The following LYRM4 variants were observed in gnomAD, a reference collection of about 807,000 sequenced individuals.
The protein encoded by LYRM4 is LYR motif-containing protein 4.
LYRM4 carries 9 observed loss-of-function variants against 11.7 expected under a neutral mutation model. The observed-to-expected ratio is 0.77, with a 90% CI of 0.46 to 1.34. The LOEUF is 1.34. Among genes scored for constraint, LYRM4 ranks in the 40% most tolerant of loss-of-function variants. The pLI, the probability that LYRM4 is intolerant of heterozygous loss-of-function variation, is 0.00. For synonymous variants in LYRM4, 42 were observed against 40.4 expected (o/e 1.04, Z -0.15); for missense variants, 133 against 112.5 (o/e 1.18, Z -0.82).
Position 5,170,380 on chromosome 6 carries a change from T to TAC in LYRM4, c.207+46237_207+46238insGT, listed in dbSNP as rs368901484. Among the ~76,000 whole-genome samples the TAC allele has an allele frequency of 1.5e-4, 23 of 152,042 alleles. No individual in the cohort carries two copies. The East Asian group carries it at 4.1e-3, about 27-fold the overall frequency. ...GTGTGTATGTGCACATATATATATA[T>TAC]ATGCATTTTTCAAGGGGAGTATCCA... On this transcript the variant is annotated intron_variant, in intron 2 of 2. Transcript: ENST00000330636.
chr6:5,049,650 CTGGTT>C, the LYRM4 span, among the ~76,000 whole-genome samples: 2 of 151,756 alleles, frequency 1.3e-5, no homozygotes, highest in African/African-American at 4.8e-5. Flanking sequence ...ATTCCTTCTC[CTGGTT>C]TGGTTTGGGC....
intron 2 of LYRM4, chr6:5,144,229 A>T: frequency 6.5e-7 from 1 of 1,537,032 alleles, no homozygotes; most frequent in Middle Eastern, 1.7e-4. Context: ...CTGTTCCCCG[A>T]CTTCCTCCTG....
intron 2 of LYRM4, among the ~76,000 whole-genome samples, chr6:5,209,912 C>T (rs1180750201): frequency 4.6e-5 from 7 of 152,140 alleles, no homozygotes; most frequent in African/African-American, 1.7e-4. Flanking sequence ...CATTATTGTT[C>T]TTCAACTATT....
At chr6:5,257,811 T>C (rs1764752859) in intron 1 of LYRM4, among the ~76,000 whole-genome samples, 1 of 152,120 alleles carries the variant, frequency 6.6e-6, no homozygotes, top group Non-Finnish European at 1.5e-5. Context: ...TCCATGAAAT[T>C]GGTTCCTGGT....
chr6:5,120,761 G>C (rs1469298385), intron 2 of LYRM4, among the ~76,000 whole-genome samples: 1 of 152,126 alleles, frequency 6.6e-6, no homozygotes, highest in Non-Finnish European at 1.5e-5. Flanking sequence ...CATTTTTACA[G>C]AGCACTGATT....
chr6:5,086,445 G>A, the LYRM4 span: 14 of 1,536,510 alleles, frequency 9.1e-6, no homozygotes, highest in Middle Eastern at 1.7e-4. Flanking sequence ...ACGCCGACGA[G>A]CGCGGCGTCG....
chr6:5,201,478 C>T (rs886729953), intron 2 of LYRM4, among the ~76,000 whole-genome samples: 4 of 152,234 alleles, frequency 2.6e-5, no homozygotes, highest in Non-Finnish European at 5.9e-5. Context: ...TTGGGTGAAT[C>T]AGTTCACCGA....
intron 2 of LYRM4, among the ~76,000 whole-genome samples, chr6:5,118,649 G>A (rs1025379170): frequency 2.0e-5 from 3 of 152,090 alleles, no homozygotes; most frequent in Non-Finnish European, 4.4e-5. Context: ...CAAGTCACCA[G>A]CGATAAAAGC....
Position 5,260,690 on chromosome 6 carries a change from G to A in LYRM4, c.44C>T (p.Ala15Val), listed in dbSNP as rs768210600. Residue 15 changes from alanine to valine, a missense_variant, in exon 1 of 3, where the codon GCG becomes GTG. Transcript: ENST00000330636. ...GAAACGCTTGCTCTCTCTCAGCATC[G>A]CCCGGTACAGAGATAACACTTGTGC... ...SRAQVLSLYR[A>V]MLRESKRFSA... 1.3e-6 allele frequency: 2 copies of A among 1,547,952 alleles called. No individual in the cohort carries two copies. The highest frequency in any genetic ancestry group is 1.2e-5 in the South Asian group (1 of 84,566).
chr6:5,138,831 G>C, intron 2 of LYRM4: 1 of 953,712 alleles, frequency 1.0e-6, no homozygotes, highest in East Asian at 2.6e-5. Flanking sequence ...GCAAGTGCTA[G>C]AGGTGTTTAA....
intron 1 of LYRM4, among the ~76,000 whole-genome samples, chr6:5,245,992 A>AT (rs1561899747): frequency 6.6e-6 from 1 of 152,194 alleles, no homozygotes; most frequent in Non-Finnish European, 1.5e-5. Context: ...CCCAAAAACA[A>AT]TAAGAAACAA....
downstream of LYRM4, among the ~76,000 whole-genome samples, chr6:5,099,759 C>T (rs1307282440): frequency 1.3e-5 from 2 of 152,166 alleles, no homozygotes; most frequent in African/African-American, 4.8e-5. The surrounding 1 kb of genome is among the most constrained non-coding windows in gnomAD (Gnocchi z 4.3). Context: ...TCCTAGTTTA[C>T]AGCTGAAGAA....
intron 2 of LYRM4, among the ~76,000 whole-genome samples, chr6:5,199,299 C>A (rs1404697701): frequency 6.6e-6 from 1 of 152,060 alleles, no homozygotes; most frequent in Non-Finnish European, 1.5e-5. Context: ...AGAGGCCAGT[C>A]GTGAATATAA....
chr6:5,039,311 T>G, the LYRM4 span, among the ~76,000 whole-genome samples: 1 of 152,362 alleles, frequency 6.6e-6, no homozygotes, highest in East Asian at 1.9e-4. Flanking sequence ...GAGAACCAAC[T>G]ATATTCCAGG....
At chr6:5,139,071 G>C (rs776434740) in intron 2 of LYRM4, among the ~76,000 whole-genome samples, 28 of 152,246 alleles carry the variant, frequency 1.8e-4, no homozygotes, top group Middle Eastern at 3.2e-3. Context: ...CTTTGTAGAT[G>C]TAATTGAATG....
the LYRM4 span, among the ~76,000 whole-genome samples, chr6:5,055,016 A>G: frequency 5.0e-3 from 758 of 152,278 alleles, 8 homozygotes; most frequent in African/African-American, 0.017. This position sits in a 1 kb window ranked among gnomAD's most constrained non-coding sequence, Gnocchi z 4.5. Flanking sequence ...GGGTCAGACA[A>G]GAGACATTCA....
chr6:5,085,488 G>C, the LYRM4 span: 6 of 1,533,690 alleles, frequency 3.9e-6, no homozygotes, highest in African/African-American at 4.1e-5. Flanking sequence ...ACGGCGTCAT[G>C]GAGCCCATAG....
chr6:5,077,698 T>C, the LYRM4 span, among the ~76,000 whole-genome samples: 1 of 152,184 alleles, frequency 6.6e-6, no homozygotes, highest in Non-Finnish European at 1.5e-5. Context: ...GTCAACTATA[T>C]TCTATTGGTC....
intron 2 of LYRM4, among the ~76,000 whole-genome samples, chr6:5,146,939 G>A (rs907425932): frequency 6.6e-6 from 1 of 152,118 alleles, no homozygotes; most frequent in Non-Finnish European, 1.5e-5. Context: ...GGCCATTTTA[G>A]GTCAATTTAC....
Sources: allele counts gnomAD v4.1 joint callset (sites outside exome capture counted in the v4.1 genomes callset), GRCh38; gene constraint gnomAD v4.1.1; non-coding constraint Gnocchi (gnomAD v3.1); transcripts MANE v1.5; gene names NCBI Gene and HGNC (gene_info 2026-07-23, HGNC 2026-07-21).